The following RTN4 variants were observed in gnomAD, a reference collection of about 807,000 sequenced individuals.
RTN4 encodes reticulon 4.
RTN4 carries 32 observed loss-of-function variants against 90.4 expected under a neutral mutation model. The ratio of observed to expected loss-of-function variants is 0.35; its 90% confidence interval spans 0.27 to 0.48. The LOEUF (loss-of-function observed/expected upper bound fraction) is 0.48, where lower values mean the gene tolerates loss of function less well. RTN4 is among the 20% of genes least tolerant of loss of function. The pLI is 0.99. For synonymous variants in RTN4, 629 were observed against 552.5 expected, an observed-to-expected ratio of 1.14 and a Z score of -1.94; for missense variants, 1,706 against 1,430.2, an observed-to-expected ratio of 1.19 and a Z score of -3.11.
intron 3 of RTN4, among the ~76,000 whole-genome samples, chr2:54,988,629 A>G (rs138784473): frequency 1.3e-5 from 2 of 152,358 alleles, no homozygotes; most frequent in Non-Finnish European, 2.9e-5. Flanking sequence ...CTACAAAGAA[A>G]AAGACAAAAC....
rs537932109 is a variant in RTN4, at chr2:54,982,047, C to T, written c.3360+468G>A. Among the ~76,000 whole-genome samples the T allele has an allele frequency of 1.1e-4, 16 of 152,062 alleles. No individual in the cohort carries two copies. The South Asian group carries it at 2.7e-3, about 26-fold the overall frequency. ...TCAGCTCACCGAAACCTCTGCCTCC[C>T]GGGTTCAAGCGATTCTCCTGTGCCT... On this transcript the variant is annotated intron_variant, in intron 5 of 8. Transcript: ENST00000337526.
At chr2:55,038,436 A>G (rs1285046772) in intron 1 of RTN4, among the ~76,000 whole-genome samples, 1 of 152,194 alleles carries the variant, frequency 6.6e-6, no homozygotes, top group Non-Finnish European at 1.5e-5. Flanking sequence ...AGGAAAAAAA[A>G]AGGCATACAA....
intron 1 of RTN4, among the ~76,000 whole-genome samples, chr2:55,083,406 G>A (rs534379456): frequency 6.6e-6 from 1 of 152,260 alleles, no homozygotes; most frequent in African/African-American, 2.4e-5. Flanking sequence ...TGAGGCACGA[G>A]GATTGCTTGA....
chr2:55,027,374 G>A lies in RTN4; in HGVS notation c.725C>T (p.Ser242Leu). The A allele has an allele frequency of 1.2e-6, 2 of 1,613,688 alleles. No homozygotes were observed. Among genetic ancestry groups the A allele is most frequent in the Non-Finnish European group, 1.7e-6 (2 of 1,179,760 alleles). The change falls in exon 3 of 9, where the codon TCA (serine) becomes TTA (leucine). Residue 242 changes from serine to leucine, a missense_variant. Ser to Leu is a moderately radical substitution (Grantham distance 145). Coordinates refer to ENST00000337526, the MANE Select transcript of RTN4 (RefSeq NM_020532.5). Reference sequence around the variant, plus strand: ...TTCATGTTCTTTGAAAGAAGCGGCTGAGAGAGGAGACAGAGAAGGAAGAGA... The same window carrying A: ...TTCATGTTCTTTGAAAGAAGCGGCTAAGAGAGGAGACAGAGAAGGAAGAGA... ...AASLPSLSPL[S>L]AASFKEHEYL...
intron 1 of RTN4, among the ~76,000 whole-genome samples, chr2:55,037,662 C>T (rs946744631): frequency 6.6e-6 from 1 of 152,200 alleles, no homozygotes; most frequent in Non-Finnish European, 1.5e-5. Context: ...GAAACTATGA[C>T]AGGCTAACTT....
At chr2:55,083,769 C>G (rs1264278499) in intron 1 of RTN4, among the ~76,000 whole-genome samples, 1 of 152,194 alleles carries the variant, frequency 6.6e-6, no homozygotes, top group East Asian at 1.9e-4. Flanking sequence ...AAAATTTCCT[C>G]TCATCATCCT....
chr2:55,040,607 C>A (rs1683005748), intron 1 of RTN4, among the ~76,000 whole-genome samples: 1 of 152,086 alleles, frequency 6.6e-6, no homozygotes, highest in Admixed American at 6.5e-5. Context: ...TCTCTTTCCA[C>A]AAAAGCAGTT....
intron 3 of RTN4, among the ~76,000 whole-genome samples, chr2:54,993,017 T>C: frequency 7.2e-6 from 1 of 138,578 alleles, no homozygotes; most frequent in Non-Finnish European, 1.5e-5. Context: ...GAGGTTGCAG[T>C]GAGCCGAGAT....
chr2:54,996,129 G>C (rs965170264), intron 3 of RTN4, among the ~76,000 whole-genome samples: 2 of 152,010 alleles, frequency 1.3e-5, no homozygotes, highest in African/African-American at 4.8e-5. Context: ...GAAAAAATAA[G>C]ATACTTAGGA....
intron 1 of RTN4, among the ~76,000 whole-genome samples, chr2:55,104,307 T>G (rs1667904590): frequency 6.6e-6 from 1 of 152,012 alleles, no homozygotes; most frequent in Admixed American, 6.6e-5. Flanking sequence ...TCCACCCACC[T>G]CGGCCTCCCA....
At chr2:55,022,717 C>T (rs892372914) in intron 3 of RTN4, among the ~76,000 whole-genome samples, 1 of 152,098 alleles carries the variant, frequency 6.6e-6, no homozygotes, top group Non-Finnish European at 1.5e-5. Flanking sequence ...CTGCCATCAC[C>T]CTGGGTGACT....
chr2:54,974,597 A>T, intron 6 of RTN4, 98 bp downstream of exon 6: 1 of 1,050,864 alleles, frequency 9.5e-7, no homozygotes, highest in South Asian at 1.3e-5. Flanking sequence ...TTCATCCCCT[A>T]CTTTTCATAC....
At chr2:54,975,485 G>A (rs1573260758) in intron 5 of RTN4, among the ~76,000 whole-genome samples, 1 of 152,128 alleles carries the variant, frequency 6.6e-6, no homozygotes, top group South Asian at 2.1e-4. Flanking sequence ...TCTAAAGCGG[G>A]GATCAGCAAA....
At chr2:55,001,025 AATAG>A (rs1444307507) in intron 3 of RTN4, among the ~76,000 whole-genome samples, 1 of 152,142 alleles carries the variant, frequency 6.6e-6, no homozygotes, top group African/African-American at 2.4e-5. Context: ...GAACTATAAA[AATAG>A]ATAAAAAAGA....
intron 3 of RTN4, 103 bp downstream of exon 3, chr2:55,024,983 A>T: frequency 7.4e-7 from 1 of 1,348,250 alleles, no homozygotes. Flanking sequence ...CCAATGTGAC[A>T]TATGAGACAC....
rs561321835 is a variant in RTN4, at chr2:54,984,741, T to C, written c.3222-2088A>G. ...ATGATTAAGGGGTACTAGGAAAAAC[T>C]GTCCAACAAGCTTAAACTGGTATGT... On this transcript the variant is annotated intron_variant, in intron 4 of 8. Transcript: ENST00000337526. Among the ~76,000 whole-genome samples, 29 of 152,314 alleles carry C rather than the reference T, an allele frequency of 1.9e-4. No homozygotes were observed. The East Asian group carries it at 5.4e-3, about 28-fold the overall frequency.
chr2:55,006,523 C>G (rs1680238126), intron 3 of RTN4, among the ~76,000 whole-genome samples: 1 of 152,124 alleles, frequency 6.6e-6, no homozygotes, highest in Admixed American at 6.6e-5. Flanking sequence ...AAAAGAATCT[C>G]TACACGGAAG....
chr2:55,050,321 G>C lies in RTN4; in HGVS notation c.-21C>G. 7.3e-7 allele frequency: 1 copy of C among 1,368,502 alleles called. No homozygotes were observed. The highest frequency in any genetic ancestry group is 9.5e-7 in the Non-Finnish European group (1 of 1,054,988). 84.8% of individuals were successfully genotyped at this position (1,368,502 alleles called of 1,614,324 possible). On this transcript the variant is annotated 5_prime_UTR_variant, in exon 1 of 9. Coordinates refer to ENST00000337526, the MANE Select transcript of RTN4 (RefSeq NM_020532.5). This position sits in a 1 kb window ranked among gnomAD's most constrained non-coding sequence, Gnocchi z 4.6. ...TCCATGGCTGGAGGGTGGAGATGAT[G>C]CTGCAGCTGCTGCCGCCGCCGCCGG...
At chr2:55,027,992 T>G (rs1187966925) in intron 2 of RTN4, among the ~76,000 whole-genome samples, 172 bp downstream of exon 2, 2 of 152,224 alleles carry the variant, frequency 1.3e-5, no homozygotes, top group East Asian at 3.8e-4. Flanking sequence ...TTTTGCTCAT[T>G]TTTCCCTTGG....
Sources: gnomAD v4.1 joint callset for allele counts (sites outside exome capture counted in the v4.1 genomes callset) on GRCh38, gnomAD v4.1.1 for gene constraint, Gnocchi (gnomAD v3.1) non-coding constraint, MANE v1.5 for transcripts, NCBI Gene and HGNC (gene_info 2026-07-23, HGNC 2026-07-21) for gene names.